The following GPR19 variants were observed in gnomAD, a reference collection of about 807,000 sequenced individuals.
The protein encoded by GPR19 is probable G protein-coupled receptor 19.
Under a neutral mutation model 28.5 loss-of-function variants are expected in GPR19, and 14 were observed. That is an observed-to-expected ratio of 0.49 (90% confidence interval 0.32 to 0.77). The LOEUF (loss-of-function observed/expected upper bound fraction) is 0.77, where lower values mean the gene tolerates loss of function less well. Among genes scored for constraint, GPR19 ranks in the 30% least tolerant of loss-of-function variants. The pLI is 0.03. For synonymous variants in GPR19, 173 were observed against 184.1 expected (o/e 0.94, Z 0.49); for missense variants, 409 against 504.1 (o/e 0.81, Z 1.81).
intron 2 of GPR19, among the ~76,000 whole-genome samples, chr12:12,687,089 T>C (rs1238801805): frequency 6.6e-6 from 1 of 152,232 alleles, no homozygotes; most frequent in Non-Finnish European, 1.5e-5. Flanking sequence ...TCCACAATAC[T>C]TGTGCAACTG....
the GPR19 span, among the ~76,000 whole-genome samples, chr12:12,706,546 A>T: frequency 6.6e-6 from 1 of 152,110 alleles, no homozygotes; most frequent in South Asian, 2.1e-4. Flanking sequence ...CTGAATTCCA[A>T]ACTCACATAT....
intron 2 of GPR19, among the ~76,000 whole-genome samples, chr12:12,692,524 C>T (rs993259572): frequency 3.9e-5 from 6 of 152,062 alleles, no homozygotes; most frequent in Middle Eastern, 3.4e-3. Context: ...TGAGCTACTG[C>T]GCCTGACTCA....
At position 12,689,616 on chromosome 12, in the gene GPR19, G is replaced by A. The variant is rs1397945369; in HGVS notation, c.-179-5109C>T. Among the ~76,000 whole-genome samples the A allele has an allele frequency of 3.3e-5, 5 of 151,940 alleles. No homozygotes were observed. In the East Asian group the frequency reaches 9.6e-4, roughly 29 times the overall value. ...TTTTTTTCCTGTAACCTAACAGGTT[G>A]TGGTGGTTTTAAAATACATCCACAA... On this transcript the variant is annotated intron_variant, in intron 2 of 3. Transcript: ENST00000651487.
At chr12:12,701,919 CAAAAAA>C in the GPR19 span, among the ~76,000 whole-genome samples, 4 of 96,098 alleles carry the variant, frequency 4.2e-5, no homozygotes, top group Admixed American at 1.1e-4. Context: ...GACCCTGTCT[CAAAAAA>C]AAAAAAAAAA....
At chr12:12,710,598 AGT>A in the GPR19 span, among the ~76,000 whole-genome samples, 1 of 152,080 alleles carries the variant, frequency 6.6e-6, no homozygotes, top group Non-Finnish European at 1.5e-5. Context: ...CCCAGGCTGG[AGT>A]GCAGTGGTAC....
intron 3 of GPR19, among the ~76,000 whole-genome samples, chr12:12,674,142 G>GCGGAGGTTGCAGTGAGC (rs1945896881): frequency 6.6e-6 from 1 of 150,458 alleles, no homozygotes; most frequent in East Asian, 1.9e-4. Context: ...AACCTGGGAG[G>GCGGAGGTTGCAGTGAGC]CGGAGGTTGC....
chr12:12,683,544 T>C (rs1019603785), intron 3 of GPR19, among the ~76,000 whole-genome samples: 6 of 152,252 alleles, frequency 3.9e-5, no homozygotes, highest in African/African-American at 1.2e-4. Flanking sequence ...TTTCTTCATC[T>C]CTAAAATGTG....
the GPR19 span, among the ~76,000 whole-genome samples, chr12:12,712,475 T>C: frequency 1.4e-4 from 21 of 152,330 alleles, no homozygotes; most frequent in South Asian, 3.7e-3. Flanking sequence ...CAACAGATTT[T>C]TTAGCATGCC....
chr12:12,687,031 T>C (rs1427308821), intron 2 of GPR19, among the ~76,000 whole-genome samples: 1 of 152,212 alleles, frequency 6.6e-6, no homozygotes, highest in African/African-American at 2.4e-5. Context: ...ACTTTTGACA[T>C]TGGAAGAAGA....
intron 2 of GPR19, among the ~76,000 whole-genome samples, chr12:12,689,604 A>T (rs1356061471): frequency 1.3e-5 from 2 of 152,086 alleles, no homozygotes; most frequent in Non-Finnish European, 2.9e-5. Context: ...TTTTCCTGTA[A>T]CCTAACAGGT....
At chr12:12,690,851 C>A (rs1395353831) in intron 2 of GPR19, among the ~76,000 whole-genome samples, 5 of 152,188 alleles carry the variant, frequency 3.3e-5, no homozygotes, top group Non-Finnish European at 7.3e-5. Context: ...ATCTTCTCAG[C>A]ACTCTCTAAA....
chr12:12,665,219 T>G (rs953685613), intron 3 of GPR19, among the ~76,000 whole-genome samples: 1 of 152,212 alleles, frequency 6.6e-6, no homozygotes, highest in Admixed American at 6.5e-5. Flanking sequence ...CTTGAAAACC[T>G]GTGAACTTCC....
At chr12:12,677,057 A>C (rs1232927164) in intron 3 of GPR19, among the ~76,000 whole-genome samples, 1 of 152,208 alleles carries the variant, frequency 6.6e-6, no homozygotes, top group Admixed American at 6.5e-5. Context: ...ACTGAGCAGG[A>C]AGTTACTAAG....
chr12:12,698,636 G>T (rs531355797), upstream of GPR19, among the ~76,000 whole-genome samples: 1 of 149,352 alleles, frequency 6.7e-6, no homozygotes, highest in South Asian at 2.1e-4. Context: ...TTCTCAAGAC[G>T]GTCTTGCTCT....
intron 3 of GPR19, among the ~76,000 whole-genome samples, chr12:12,681,455 C>T (rs73067542): frequency 3.3e-4 from 50 of 152,328 alleles, no homozygotes; most frequent in Non-Finnish European, 7.2e-4. Context: ...CTTTCTCTCC[C>T]TCTGTTCTAT....
chr12:12,710,198 A>G, the GPR19 span, among the ~76,000 whole-genome samples: 2 of 152,040 alleles, frequency 1.3e-5, no homozygotes, highest in African/African-American at 4.8e-5. Context: ...CTAAAAATAC[A>G]AAAAATTAGC....
upstream of GPR19, among the ~76,000 whole-genome samples, chr12:12,699,749 C>G (rs1946305787): frequency 6.6e-6 from 1 of 152,216 alleles, no homozygotes. Context: ...CACTCTACTT[C>G]CTGCTAGGGA....
the GPR19 span, among the ~76,000 whole-genome samples, chr12:12,713,057 C>CTTTT: frequency 1.1e-4 from 12 of 108,062 alleles, no homozygotes; most frequent in African/African-American, 1.8e-4. Flanking sequence ...ATCTGATGCG[C>CTTTT]TTTTTTTTTT....
chr12:12,664,785 T>C (rs952890822), intron 3 of GPR19, among the ~76,000 whole-genome samples: 22 of 151,792 alleles, frequency 1.4e-4, no homozygotes, highest in African/African-American at 5.3e-4. Context: ...CCGGGCGTGG[T>C]GGCAGGCGCC....
Sources: allele counts gnomAD v4.1 joint callset (sites outside exome capture counted in the v4.1 genomes callset), GRCh38; gene constraint gnomAD v4.1.1; transcripts MANE v1.5; gene names NCBI Gene and HGNC (gene_info 2026-07-23, HGNC 2026-07-21).